Variants in COL18A1 observed in about 807,000 individuals in gnomAD.
The protein encoded by COL18A1 is collagen type XVIII alpha 1 chain.
A neutral mutation model predicts 168.0 loss-of-function variants in COL18A1; 133 were observed. That is an observed-to-expected ratio of 0.79 (90% CI 0.69 to 0.91). The LOEUF (loss-of-function observed/expected upper bound fraction) is 0.91. Ranked by LOEUF, COL18A1 falls within the 40% of genes least tolerant of loss-of-function variation. The probability of loss-of-function intolerance (pLI) is 0.00; values close to 1 mark genes in which losing one functional copy is unlikely to be tolerated. For missense variants in COL18A1, 2,126 were observed against 1,925.4 expected (o/e 1.10, Z -1.95); for synonymous variants, 949 against 809.0 (o/e 1.17, Z -2.94).
intron 2 of COL18A1, among the ~76,000 whole-genome samples, chr21:45,465,831 T>A (rs1320174621): frequency 2.6e-5 from 4 of 152,164 alleles, no homozygotes; most frequent in Admixed American, 6.5e-5. Flanking sequence ...AGTGCACGTG[T>A]CTGAGGGTCT....
Position 45,488,453 on chromosome 21 carries a change from C to G in COL18A1, c.1923+9C>G. On this transcript the variant is annotated intron_variant, in intron 18 of 41. Coordinates refer to ENST00000651438, the MANE Select transcript of COL18A1 (RefSeq NM_001379500.1). ...GCCTGCCGGGACTTAAGGTCAGTGA[C>G]GGATATGTCTGGGTTTCTGTGGTTG... The G allele has an allele frequency of 6.2e-7, 1 of 1,613,908 alleles. No homozygotes were observed. Among genetic ancestry groups the G allele is most frequent in the Non-Finnish European group, 8.5e-7 (1 of 1,179,988 alleles).
At position 45,438,168 on chromosome 21, in the gene COL18A1, A is replaced by G. The variant is rs1274993794; in HGVS notation, c.107-30074A>G. On this transcript the variant is annotated intron_variant, in intron 2 of 41. Coordinates refer to ENST00000651438, the MANE Select transcript of COL18A1 (RefSeq NM_001379500.1). The stretch of plus-strand genomic sequence containing the variant: ...CACTCAGACACAGGCACTCTCCTGC[A>G]TACACACACTCACACTCAGACACAC... Among the ~76,000 whole-genome samples the G allele has an allele frequency of 2.0e-4, 23 of 114,836 alleles. 1 individual carries two copies. The highest frequency in any genetic ancestry group is 8.3e-5 in the Admixed American group (1 of 12,070). The allele number at this position is 114,836 out of a possible 152,430, so 75.3% of individuals were successfully genotyped here.
chr21:45,453,106 C>T (rs1321803126), intron 2 of COL18A1, among the ~76,000 whole-genome samples: 2 of 150,936 alleles, frequency 1.3e-5, no homozygotes, highest in East Asian at 2.0e-4. Context: ...GACATGTAAG[C>T]ATTATGTATG....
chr21:45,506,499 C>A (rs1000852471), intron 37 of COL18A1: 2 of 207,450 alleles, frequency 9.6e-6, no homozygotes, highest in Admixed American at 1.1e-4. Context: ...CAGGCCAGCC[C>A]CTTTCCTGCT....
At chr21:45,489,623 C>T (rs2036229356) in intron 19 of COL18A1, 102 bp downstream of exon 19, 8 of 720,136 alleles carry the variant, frequency 1.1e-5, no homozygotes, top group East Asian at 2.9e-5. Flanking sequence ...CCCCGCTCTT[C>T]CTGCCACTGC....
At chr21:45,490,249 C>G in intron 19 of COL18A1, 26 bp from the exon 20 acceptor site, 16 of 1,559,032 alleles carry the variant, frequency 1.0e-5, no homozygotes, top group African/African-American at 1.4e-5. Context: ...GGCCAATGCC[C>G]TGCGTCCTCC....
intron 37 of COL18A1, chr21:45,507,036 G>T (rs2146097730): frequency 3.2e-6 from 1 of 316,262 alleles, no homozygotes; most frequent in Non-Finnish European, 6.3e-6. Context: ...GAGGAGGCAG[G>T]GGATGGCATC....
intron 32 of COL18A1, 188 bp downstream of exon 32, chr21:45,497,849 A>G: frequency 1.3e-6 from 1 of 750,186 alleles, no homozygotes; most frequent in South Asian, 1.8e-5. Context: ...TTTGGGGGCG[A>G]GGGTGGCTGC....
chr21:45,461,137 G>A (rs1411105971), intron 2 of COL18A1, among the ~76,000 whole-genome samples: 1 of 152,112 alleles, frequency 6.6e-6, no homozygotes, highest in East Asian at 1.9e-4. Context: ...ATCACCATGT[G>A]TACATTAGAC....
chr21:45,480,391 G>T, intron 11 of COL18A1, 76 bp from the exon 12 acceptor site: 1 of 1,612,510 alleles, frequency 6.2e-7, no homozygotes, highest in African/African-American at 1.3e-5. Context: ...TATGCAGCTT[G>T]CGGGGCAGGG....
Position 45,451,653 on chromosome 21 carries a change from G to A in COL18A1, c.107-16589G>A, listed in dbSNP as rs548905110. 4.6e-5 allele frequency among the ~76,000 whole-genome samples: 7 copies of A among 152,338 alleles called. No individual in the cohort carries two copies. The South Asian group carries it at 6.2e-4, about 14-fold the overall frequency. ...ACGTTCTGCACTCAGCAGCAGGAGC[G>A]CTCAGAGGGGAAGGCGGTGGGATTT... is the stretch of plus-strand genomic sequence containing the variant. On this transcript the variant is annotated intron_variant, in intron 2 of 41. Transcript: ENST00000651438.
At chr21:45,501,384 A>G (rs2036813919) in intron 32 of COL18A1, among the ~76,000 whole-genome samples, 1 of 152,102 alleles carries the variant, frequency 6.6e-6, no homozygotes. Flanking sequence ...CCACGTCCCC[A>G]GCATCGGGAC....
At position 45,454,521 on chromosome 21, in the gene COL18A1, G is replaced by A. The variant is rs73240317; in HGVS notation, c.107-13721G>A. The stretch of plus-strand genomic sequence containing the variant: ...CGTGTGAGGATGCACATGTGTGAAC[G>A]TGTGTGTGAGTGAGCACGCCTGTGT... On this transcript the variant is annotated intron_variant, in intron 2 of 41. Transcript: ENST00000651438. Among the ~76,000 whole-genome samples, 788 of 152,314 alleles carry A rather than the reference G, an allele frequency of 5.2e-3. 5 individuals are homozygous for A. The highest frequency in any genetic ancestry group is 9.2e-3 in the Non-Finnish European group (628 of 68,010).
chr21:45,419,303 G>A (rs1401016254), intron 2 of COL18A1, among the ~76,000 whole-genome samples: 4 of 152,018 alleles, frequency 2.6e-5, no homozygotes, highest in African/African-American at 7.2e-5. Flanking sequence ...ACGTGATGCC[G>A]TGTAGTGACG....
intron 2 of COL18A1, among the ~76,000 whole-genome samples, chr21:45,461,034 T>A (rs1353056277): frequency 6.6e-6 from 1 of 152,210 alleles, no homozygotes; most frequent in East Asian, 1.9e-4. Context: ...TGGACATCTA[T>A]CACTTCAACC....
chr21:45,493,670 TG>T, intron 26 of COL18A1, 95 bp downstream of exon 26: 3 of 891,786 alleles, frequency 3.4e-6, no homozygotes, highest in Non-Finnish European at 5.3e-6. Context: ...TGGCTCCTGA[TG>T]CACGAGCCTC....
At chr21:45,472,804 C>A (rs1223619006) in intron 3 of COL18A1, among the ~76,000 whole-genome samples, 4 of 141,364 alleles carry the variant, frequency 2.8e-5, no homozygotes, top group Non-Finnish European at 4.5e-5. Context: ...AGGGTCCACA[C>A]CCCCCCACGC....
In COL18A1 at chr21:45,443,514, C is replaced by T. The variant is rs576889220; in HGVS notation, c.107-24728C>T. 6.6e-5 allele frequency among the ~76,000 whole-genome samples: 10 copies of T among 152,284 alleles called. No individual in the cohort carries two copies. The highest frequency in any genetic ancestry group is 2.4e-4 in the African/African-American group (10 of 41,574). ...CCACTGGCCACCCAGAGCTAGGAGC[C>T]TCGGCCAAGGGCTCCCTCCTTGCAC... On this transcript the variant is annotated intron_variant, in intron 2 of 41. Transcript: ENST00000651438. The surrounding 1 kb of genome is among the most constrained non-coding windows in gnomAD (Gnocchi z 5.2).
intron 12 of COL18A1, 24 bp downstream of exon 12, chr21:45,480,544 G>T: frequency 6.2e-7 from 1 of 1,614,016 alleles, no homozygotes. Flanking sequence ...AAACTGCAGC[G>T]CTGCCCGATG....
Sources: allele counts gnomAD v4.1 joint callset (sites outside exome capture counted in the v4.1 genomes callset), GRCh38; gene constraint gnomAD v4.1.1; non-coding constraint Gnocchi (gnomAD v3.1); transcripts MANE v1.5; gene names NCBI Gene and HGNC (gene_info 2026-07-23, HGNC 2026-07-21).